DPP10: variants seen among roughly 807,000 people sequenced by gnomAD.
DPP10 encodes the protein inactive dipeptidyl peptidase 10.
Under a neutral mutation model 120.9 loss-of-function variants are expected in DPP10, and 33 were observed. That is an observed-to-expected ratio of 0.27 (90% CI 0.21 to 0.37). DPP10 has a LOEUF of 0.37. Among genes scored for constraint, DPP10 ranks in the 10% least tolerant of loss-of-function variants. The pLI is 1.00. For missense variants in DPP10, 816 were observed against 942.8 expected (o/e 0.87, Z 1.76); for synonymous variants, 337 against 326.1 (o/e 1.03, Z -0.36).
chr2:115,344,564 GT>G (rs921617449), intron 3 of DPP10, among the ~76,000 whole-genome samples: 2 of 149,838 alleles, frequency 1.3e-5, no homozygotes, highest in South Asian at 2.1e-4. Context: ...GCACTTTGTT[GT>G]TTTTTTTTCT....
intron 1 of DPP10, among the ~76,000 whole-genome samples, chr2:114,696,040 C>A (rs774371816): frequency 5.9e-5 from 9 of 151,984 alleles, no homozygotes; most frequent in Middle Eastern, 3.4e-3. Context: ...CTTTACAAAC[C>A]AAGAACAATA....
At chr2:114,852,151 CTTTTTT>C (rs34580352) in intron 1 of DPP10, among the ~76,000 whole-genome samples, 3 of 53,728 alleles carry the variant, frequency 5.6e-5, no homozygotes, top group South Asian at 9.3e-4. Context: ...CGATTGCATC[CTTTTTT>C]TTTTTTTTTT....
At chr2:115,321,889 C>A (rs1234808321) in intron 2 of DPP10, among the ~76,000 whole-genome samples, 1 of 152,022 alleles carries the variant, frequency 6.6e-6, no homozygotes, top group African/African-American at 2.4e-5. Context: ...GTGTTTAATA[C>A]TTTTTATCTC....
intron 1 of DPP10, among the ~76,000 whole-genome samples, chr2:114,829,616 G>A (rs1340311076): frequency 6.6e-6 from 1 of 151,102 alleles, no homozygotes; most frequent in African/African-American, 2.4e-5. Flanking sequence ...ACCTCAGGTG[G>A]TCCTCCCGTC....
chr2:115,006,878 T>C (rs1701887738), intron 1 of DPP10, among the ~76,000 whole-genome samples: 1 of 152,022 alleles, frequency 6.6e-6, no homozygotes, highest in Non-Finnish European at 1.5e-5. Context: ...CTAATAGACA[T>C]CTACAGAACT....
intron 1 of DPP10, among the ~76,000 whole-genome samples, chr2:114,996,847 T>C (rs2104969673): frequency 6.6e-6 from 1 of 152,066 alleles, no homozygotes; most frequent in African/African-American, 2.4e-5. Context: ...CTGGGCGTGG[T>C]GGCGCACAGC....
chr2:115,197,948 C>T (rs545124783), intron 1 of DPP10, among the ~76,000 whole-genome samples: 3 of 152,212 alleles, frequency 2.0e-5, no homozygotes, highest in South Asian at 2.1e-4. Flanking sequence ...TATCTCTGGA[C>T]GTGATAAATG....
chr2:115,189,678 A>G (rs1011605936), intron 1 of DPP10, among the ~76,000 whole-genome samples: 1 of 152,106 alleles, frequency 6.6e-6, no homozygotes, highest in Non-Finnish European at 1.5e-5. Flanking sequence ...AAAAGAAAAA[A>G]CTTCTCTGAA....
chr2:115,061,343 C>A (rs1010522118), intron 1 of DPP10, among the ~76,000 whole-genome samples: 2 of 151,924 alleles, frequency 1.3e-5, no homozygotes, highest in African/African-American at 4.8e-5. Flanking sequence ...TTCAATCATA[C>A]CAAAATTGGC....
At chr2:114,474,026 C>T (rs944973711) in intron 1 of DPP10, among the ~76,000 whole-genome samples, 5 of 152,118 alleles carry the variant, frequency 3.3e-5, no homozygotes, top group South Asian at 2.1e-4. Flanking sequence ...GGCACAATCT[C>T]GGCTCACTGC....
chr2:115,291,713 A>G (rs1296931238), intron 1 of DPP10, among the ~76,000 whole-genome samples: 1 of 152,140 alleles, frequency 6.6e-6, no homozygotes, highest in Non-Finnish European at 1.5e-5. Context: ...TTATATATCC[A>G]TGAGCTTTTC....
chr2:114,544,074 C>T (rs547139436), intron 1 of DPP10, among the ~76,000 whole-genome samples: 35 of 151,712 alleles, frequency 2.3e-4, no homozygotes, highest in Admixed American at 5.9e-4. Context: ...CTAAAGCTCA[C>T]TGTCCAGTAG....
intron 1 of DPP10, among the ~76,000 whole-genome samples, chr2:114,669,754 G>T (rs1270470637): frequency 6.6e-6 from 1 of 151,832 alleles, no homozygotes; most frequent in African/African-American, 2.4e-5. Flanking sequence ...CATAAAAATG[G>T]CCATTTTTTT....
intron 1 of DPP10, among the ~76,000 whole-genome samples, chr2:114,846,039 C>A (rs938295442): frequency 6.6e-6 from 1 of 151,770 alleles, no homozygotes. Context: ...TCACTGAGGA[C>A]AAACAAGAAA....
intron 1 of DPP10, among the ~76,000 whole-genome samples, chr2:114,978,753 A>G (rs2104839505): frequency 6.6e-6 from 1 of 152,288 alleles, no homozygotes; most frequent in East Asian, 1.9e-4. Context: ...ATATAGGTAT[A>G]TATCCAAATG....
chr2:115,162,512 T>G (rs895083778), intron 1 of DPP10, among the ~76,000 whole-genome samples: 1 of 152,140 alleles, frequency 6.6e-6, no homozygotes, highest in Non-Finnish European at 1.5e-5. Context: ...TTCCCTCTGC[T>G]TTCTTGTTTC....
chr2:114,553,489 C>T lies in DPP10; in HGVS notation c.60+110651C>T, dbSNP rs546280468. ...CACAACTAAGGTGAGATTACTTTCC[C>T]CTGGGGAGAGCGATATTTTTACCTT... On this transcript the variant is annotated intron_variant, in intron 1 of 25. Transcript: ENST00000410059. Among the ~76,000 whole-genome samples the T allele has an allele frequency of 2.0e-5, 3 of 152,264 alleles. No individual in the cohort carries two copies. The South Asian group carries it at 6.2e-4, about 32-fold the overall frequency.
intron 1 of DPP10, among the ~76,000 whole-genome samples, chr2:114,928,257 C>T (rs1695788204): frequency 6.6e-6 from 1 of 152,190 alleles, no homozygotes; most frequent in Admixed American, 6.5e-5. Context: ...AGACAAGTTC[C>T]TTAGAGCTGT....
intron 1 of DPP10, among the ~76,000 whole-genome samples, chr2:115,200,969 G>A (rs1333936268): frequency 6.6e-6 from 1 of 152,100 alleles, no homozygotes; most frequent in Non-Finnish European, 1.5e-5. Context: ...AACAGGAAAT[G>A]GATATTTGGA....
Sources: gnomAD v4.1 joint callset for allele counts (sites outside exome capture counted in the v4.1 genomes callset) on GRCh38, gnomAD v4.1.1 for gene constraint, MANE v1.5 for transcripts, NCBI Gene and HGNC (gene_info 2026-07-23, HGNC 2026-07-21) for gene names.